The following SGIP1 variants were observed in gnomAD, a reference collection of about 807,000 sequenced individuals.
The protein encoded by SGIP1 is SH3-containing GRB2-like protein 3-interacting protein 1.
In SGIP1, 38 loss-of-function variants were observed where a neutral mutation model predicts 107.5. The ratio of observed to expected loss-of-function variants is 0.35; its 90% CI spans 0.27 to 0.46. The LOEUF (loss-of-function observed/expected upper bound fraction) is 0.46, where lower values mean the gene tolerates loss of function less well. SGIP1 is among the 20% of genes least tolerant of loss of function. The pLI is 1.00. For synonymous variants in SGIP1, 365 were observed against 366.1 expected (o/e 1.00, Z 0.03); for missense variants, 929 against 1,019.5 (o/e 0.91, Z 1.21).
chr1:66,704,974 G>T (rs1402113051), intron 18 of SGIP1, among the ~76,000 whole-genome samples: 1 of 152,164 alleles, frequency 6.6e-6, no homozygotes, highest in African/African-American at 2.4e-5. Flanking sequence ...TATTTAATAT[G>T]TGCTAGACAT....
chr1:66,628,341 T>C (rs1163845302), intron 2 of SGIP1: 1 of 154,408 alleles, frequency 6.5e-6, no homozygotes, highest in Non-Finnish European at 1.5e-5. Context: ...TTGCCAAAAC[T>C]CCATGGCTTT....
intron 1 of SGIP1, among the ~76,000 whole-genome samples, chr1:66,619,832 G>A (rs1344930324): frequency 1.3e-5 from 2 of 152,146 alleles, no homozygotes; most frequent in Admixed American, 6.5e-5. Context: ...TCCACTTGGC[G>A]ATCTACAGAA....
intron 1 of SGIP1, among the ~76,000 whole-genome samples, chr1:66,567,422 G>C (rs1278665134): frequency 3.3e-5 from 5 of 152,090 alleles, no homozygotes; most frequent in Non-Finnish European, 7.4e-5. Context: ...CAGATGGGTA[G>C]ATTGCAAAAA....
chr1:66,659,793 C>A (rs2080524581), intron 7 of SGIP1, among the ~76,000 whole-genome samples: 1 of 151,182 alleles, frequency 6.6e-6, no homozygotes, highest in East Asian at 2.0e-4. Flanking sequence ...GCCTGTAGTC[C>A]TAGCTACATG....
chr1:66,652,898 G>A (rs937196125), intron 7 of SGIP1, among the ~76,000 whole-genome samples: 1 of 152,196 alleles, frequency 6.6e-6, no homozygotes, highest in African/African-American at 2.4e-5. Flanking sequence ...CTCTTATTTA[G>A]TAAATTAGAA....
chr1:66,727,467 A>G (rs1001587886), intron 19 of SGIP1, among the ~76,000 whole-genome samples: 1 of 151,992 alleles, frequency 6.6e-6, no homozygotes, highest in Admixed American at 6.6e-5. Context: ...ACTTTAGAAA[A>G]CAGTTAGGCA....
intron 18 of SGIP1, among the ~76,000 whole-genome samples, chr1:66,715,445 A>T (rs952517970): frequency 6.6e-6 from 1 of 151,994 alleles, no homozygotes; most frequent in Admixed American, 6.6e-5. Flanking sequence ...CCCAGAAGTT[A>T]ACATAGCTAG....
At chr1:66,589,202 A>ATG (rs1265607889) in intron 1 of SGIP1, among the ~76,000 whole-genome samples, 2 of 52,582 alleles carry the variant, frequency 3.8e-5, no homozygotes, top group African/African-American at 1.3e-4. Flanking sequence ...ATATATATAT[A>ATG]TATATATATA....
chr1:66,570,240 A>C (rs1297805308), intron 1 of SGIP1, among the ~76,000 whole-genome samples: 1 of 151,874 alleles, frequency 6.6e-6, no homozygotes, highest in African/African-American at 2.4e-5. Context: ...ATCAGTGAGC[A>C]TGCATAAATT....
intron 7 of SGIP1, among the ~76,000 whole-genome samples, chr1:66,654,134 T>C (rs1015227316): frequency 1.2e-4 from 18 of 152,210 alleles, no homozygotes; most frequent in African/African-American, 4.3e-4. Context: ...ATATAAAATG[T>C]ATGCCGTATC....
At chr1:66,661,734 A>C (rs1049543726) in intron 8 of SGIP1, among the ~76,000 whole-genome samples, 1 of 152,172 alleles carries the variant, frequency 6.6e-6, no homozygotes, top group Non-Finnish European at 1.5e-5. Flanking sequence ...TTCCTGAATT[A>C]ACCAAATTTG....
At chr1:66,608,535 A>G (rs2067292194) in intron 1 of SGIP1, among the ~76,000 whole-genome samples, 1 of 152,210 alleles carries the variant, frequency 6.6e-6, no homozygotes, top group African/African-American at 2.4e-5. Context: ...CAATTAACAC[A>G]CTGTGCTATA....
intron 8 of SGIP1, among the ~76,000 whole-genome samples, chr1:66,661,929 C>A (rs1571439065): frequency 6.6e-6 from 1 of 152,128 alleles, no homozygotes; most frequent in Non-Finnish European, 1.5e-5. Context: ...TCAGCCTGGT[C>A]ATTTTGATGA....
intron 15 of SGIP1, among the ~76,000 whole-genome samples, chr1:66,685,527 A>C (rs2150044233): frequency 6.6e-6 from 1 of 152,324 alleles, no homozygotes; most frequent in South Asian, 2.1e-4. Context: ...GAAAGAAAGG[A>C]GTAAGTAAAG....
chr1:66,631,905 T>C (rs1395611869), intron 2 of SGIP1, among the ~76,000 whole-genome samples: 1 of 152,184 alleles, frequency 6.6e-6, no homozygotes, highest in Non-Finnish European at 1.5e-5. Context: ...TCGCTGTATG[T>C]TTTAGCCTCT....
chr1:66,733,623 A>T, intron 20 of SGIP1, 125 bp from the exon 21 acceptor site: 1 of 979,580 alleles, frequency 1.0e-6, no homozygotes, highest in Admixed American at 2.7e-5. Context: ...ATAGATTCAT[A>T]ATAATCTCTA....
At chr1:66,537,212 T>C (rs1271734399) in intron 1 of SGIP1, among the ~76,000 whole-genome samples, 1 of 152,190 alleles carries the variant, frequency 6.6e-6, no homozygotes, top group Non-Finnish European at 1.5e-5. Context: ...ATTTGCTGCT[T>C]CCTGCATACT....
intron 19 of SGIP1, 92 bp from the exon 20 acceptor site, chr1:66,729,172 A>G (rs1428855615): frequency 5.7e-6 from 8 of 1,415,374 alleles, no homozygotes; most frequent in South Asian, 2.6e-5. Flanking sequence ...GCTATTTAAC[A>G]TTGCCTCATA....
intron 1 of SGIP1, among the ~76,000 whole-genome samples, chr1:66,539,046 A>G (rs2054272696): frequency 6.6e-6 from 1 of 152,194 alleles, no homozygotes; most frequent in Non-Finnish European, 1.5e-5. Flanking sequence ...TTATCATACA[A>G]ACTGCTTTTA....
Sources: gnomAD v4.1 joint callset for allele counts (sites outside exome capture counted in the v4.1 genomes callset) on GRCh38, gnomAD v4.1.1 for gene constraint, MANE v1.5 for transcripts, NCBI Gene and HGNC (gene_info 2026-07-23, HGNC 2026-07-21) for gene names.